MSRA: variants seen among roughly 807,000 people sequenced by gnomAD.
MSRA encodes the protein methionine sulfoxide reductase A.
In MSRA, 54 loss-of-function variants were observed where a neutral mutation model predicts 31.3. The observed-to-expected ratio is 1.73, with a 90% confidence interval of 1.39 to 2.17. The LOEUF (loss-of-function observed/expected upper bound fraction) is 2.17. Ranked by LOEUF, MSRA falls within the 30% of genes most tolerant of loss-of-function variation. The pLI is 0.00. For synonymous variants in MSRA, 169 were observed against 116.5 expected (o/e 1.45, Z -2.90); for missense variants, 507 against 300.9 (o/e 1.69, Z -5.07).
intron 2 of MSRA, among the ~76,000 whole-genome samples, chr8:10,243,035 A>G (rs1434909074): frequency 6.6e-6 from 1 of 152,102 alleles, no homozygotes; most frequent in Non-Finnish European, 1.5e-5. Flanking sequence ...ACTTGCAGCT[A>G]ATGTTTTGCT....
intron 1 of MSRA, among the ~76,000 whole-genome samples, chr8:10,086,061 G>A (rs188791728): frequency 6.6e-6 from 1 of 152,184 alleles, no homozygotes; most frequent in African/African-American, 2.4e-5. Context: ...CATTTCTCAT[G>A]GATAGATTTT....
chr8:10,424,356 CGGGAATGGGGAGAAGGCCCGGGGTGGAGT>C (rs1293526009), intron 5 of MSRA, among the ~76,000 whole-genome samples: 2 of 131,960 alleles, frequency 1.5e-5, no homozygotes, highest in Non-Finnish European at 3.2e-5. Context: ...TGGGGTGGAG[CGGGAATGGGGAGAAGGCCCGGGGTGGAGT>C]GGGATGGAGA....
intron 3 of MSRA, among the ~76,000 whole-genome samples, chr8:10,299,081 TATG>T (rs1191368748): frequency 6.6e-6 from 1 of 152,162 alleles, no homozygotes. Flanking sequence ...TTTTATTAAA[TATG>T]ATAAGAGATA....
At chr8:10,219,815 A>AAAAAAAAG (rs1563232570) in intron 2 of MSRA, among the ~76,000 whole-genome samples, 1 of 150,758 alleles carries the variant, frequency 6.6e-6, no homozygotes. Context: ...CCAAAAAAAA[A>AAAAAAAAG]AAAAAAAAAA....
chr8:10,112,018 C>G lies in MSRA; in HGVS notation c.142+57360C>G, dbSNP rs1293118616. ...CCAGAAGTTTGTCTTCTTTATTTTT[C>G]TTTTTAAGACTCAGTTTTTTTTTTG... On this transcript the variant is annotated intron_variant, in intron 1 of 5. Transcript: ENST00000317173. Among the ~76,000 whole-genome samples the G allele has an allele frequency of 2.7e-5, 4 of 146,360 alleles. No homozygotes were observed. In the South Asian group the frequency reaches 6.8e-4, roughly 25 times the overall value.
intron 5 of MSRA, among the ~76,000 whole-genome samples, chr8:10,351,245 CTTTTT>C (rs71203317): frequency 7.0e-5 from 4 of 56,806 alleles, no homozygotes; most frequent in African/African-American, 1.4e-4. Flanking sequence ...CTGAAGGAGA[CTTTTT>C]TTTTTTTTTT....
At chr8:10,404,199 C>T (rs1044738307) in intron 5 of MSRA, among the ~76,000 whole-genome samples, 12 of 152,128 alleles carry the variant, frequency 7.9e-5, no homozygotes, top group Non-Finnish European at 1.5e-4. Flanking sequence ...CCCACAATGC[C>T]GGGAAAGTGA....
At position 10,342,335 on chromosome 8, in the gene MSRA, G is replaced by A. The variant is rs561128781; in HGVS notation, c.543+22346G>A. 7.2e-5 allele frequency among the ~76,000 whole-genome samples: 11 copies of A among 152,208 alleles called. No individual in the cohort carries two copies. In the South Asian group the frequency reaches 8.3e-4, roughly 11 times the overall value. On this transcript the variant is annotated intron_variant, in intron 5 of 5. Coordinates refer to ENST00000317173, the MANE Select transcript of MSRA (RefSeq NM_012331.5). The stretch of plus-strand genomic sequence containing the variant: ...TAAAACTGAGAAATTAAAAAAACCC[G>A]AACACACATTCATTCCATCAGCCAT...
At chr8:10,354,550 C>T (rs953441326) in intron 5 of MSRA, among the ~76,000 whole-genome samples, 3 of 152,062 alleles carry the variant, frequency 2.0e-5, no homozygotes, top group African/African-American at 7.2e-5. Context: ...GCTTCTATTC[C>T]TTTCTCTATG....
At chr8:10,308,600 G>C (rs79161499) in intron 4 of MSRA, among the ~76,000 whole-genome samples, 2,068 of 152,334 alleles carry the variant, frequency 0.014, 54 homozygotes, top group African/African-American at 0.047. Flanking sequence ...CTTTACAGTG[G>C]CCAGTGTGGC....
rs1170264568 is a variant in MSRA at position 10,335,250 on chromosome 8, GTTTT to G, written c.543+15281_543+15284del. On this transcript the variant is annotated intron_variant, in intron 5 of 5. Coordinates refer to ENST00000317173, the MANE Select transcript of MSRA (RefSeq NM_012331.5). ...TTCACCCTTAACACCTCCCAGCTCT[GTTTT>G]TTTTTTTTTTTTTTTTTTTGTAGTG... Among the ~76,000 whole-genome samples the G allele has an allele frequency of 1.0e-4, 8 of 79,882 alleles. No individual in the cohort carries two copies. In the East Asian group the frequency reaches 3.1e-3, roughly 31 times the overall value. The allele number at this position is 79,882 out of a possible 152,430, so 52.4% of individuals were successfully genotyped here.
chr8:10,361,514 C>T (rs1028552446), intron 5 of MSRA, among the ~76,000 whole-genome samples: 3 of 152,130 alleles, frequency 2.0e-5, no homozygotes, highest in Non-Finnish European at 4.4e-5. Flanking sequence ...ACTCATACGT[C>T]CTGGGTTTTA....
At chr8:10,111,345 T>G (rs780948233) in intron 1 of MSRA, among the ~76,000 whole-genome samples, 1 of 152,136 alleles carries the variant, frequency 6.6e-6, no homozygotes, top group African/African-American at 2.4e-5. Context: ...CCCTCCCTCA[T>G]TGAGATGCTA....
intron 1 of MSRA, among the ~76,000 whole-genome samples, chr8:10,143,584 G>A (rs1256287193): frequency 6.6e-6 from 1 of 152,092 alleles, no homozygotes; most frequent in Non-Finnish European, 1.5e-5. Context: ...AAAACCCCGG[G>A]TCGCTCCCTG....
chr8:10,359,323 C>T (rs1407763223), intron 5 of MSRA, among the ~76,000 whole-genome samples: 3 of 151,966 alleles, frequency 2.0e-5, no homozygotes, highest in African/African-American at 7.3e-5. Flanking sequence ...ACCTTTTGCA[C>T]CTCCCATTTC....
chr8:10,369,200 A>C (rs1805338716), intron 5 of MSRA, among the ~76,000 whole-genome samples: 1 of 152,186 alleles, frequency 6.6e-6, no homozygotes, highest in Admixed American at 6.5e-5. Context: ...TTAAAAACTA[A>C]AGTGACCTTT....
At chr8:10,094,611 A>G (rs1445065562) in intron 1 of MSRA, among the ~76,000 whole-genome samples, 1 of 152,208 alleles carries the variant, frequency 6.6e-6, no homozygotes, top group Non-Finnish European at 1.5e-5. Flanking sequence ...AAGGACTAGA[A>G]GTCACTTTTC....
At chr8:10,236,016 T>G (rs1028544672) in intron 2 of MSRA, among the ~76,000 whole-genome samples, 2 of 152,120 alleles carry the variant, frequency 1.3e-5, no homozygotes, top group East Asian at 1.9e-4. Flanking sequence ...CTTAAGAGAT[T>G]AAAGGAGGGA....
intron 1 of MSRA, among the ~76,000 whole-genome samples, chr8:10,204,550 A>C (rs974479041): frequency 3.3e-5 from 5 of 152,240 alleles, no homozygotes; most frequent in Non-Finnish European, 5.9e-5. Context: ...TGTACAGGTC[A>C]TAGCCTAGGG....
Sources: gnomAD v4.1 joint callset for allele counts (sites outside exome capture counted in the v4.1 genomes callset) on GRCh38, gnomAD v4.1.1 for gene constraint, MANE v1.5 for transcripts, NCBI Gene and HGNC (gene_info 2026-07-23, HGNC 2026-07-21) for gene names.